The following GPC6 variants were observed in gnomAD, a reference collection of about 807,000 sequenced individuals.
GPC6 encodes glypican-6.
GPC6 carries 14 observed loss-of-function variants against 55.2 expected under a neutral mutation model. That is an observed-to-expected ratio of 0.25 (90% CI 0.17 to 0.40). GPC6 has a LOEUF of 0.40. GPC6 is among the 10% of genes least tolerant of loss of function. The pLI, the probability that GPC6 is intolerant of heterozygous loss-of-function variation, is 1.00. For missense variants in GPC6, 641 were observed against 708.5 expected (o/e 0.90, Z 1.08); for synonymous variants, 278 against 259.6 (o/e 1.07, Z -0.68).
At chr13:93,720,516 A>T (rs952052005) in intron 2 of GPC6, among the ~76,000 whole-genome samples, 1 of 151,894 alleles carries the variant, frequency 6.6e-6, no homozygotes, top group Non-Finnish European at 1.5e-5. Flanking sequence ...TTCAAGAAAC[A>T]GCTCCTGGAT....
chr13:94,075,787 T>G (rs1475689878), intron 4 of GPC6, among the ~76,000 whole-genome samples: 2 of 152,170 alleles, frequency 1.3e-5, no homozygotes, highest in Non-Finnish European at 2.9e-5. Flanking sequence ...TTTATTTTTA[T>G]GACAGGATTT....
intron 2 of GPC6, among the ~76,000 whole-genome samples, chr13:93,589,422 AT>A (rs1877361240): frequency 6.6e-6 from 1 of 152,184 alleles, no homozygotes; most frequent in African/African-American, 2.4e-5. Context: ...CTTCCCATTA[AT>A]TTTAAACAAT....
intron 2 of GPC6, among the ~76,000 whole-genome samples, chr13:93,816,188 G>A (rs1330571826): frequency 4.6e-5 from 7 of 151,776 alleles, no homozygotes; most frequent in Admixed American, 3.3e-4. Context: ...AAATTTTATT[G>A]TCTCCTGATT....
At chr13:94,093,091 C>G (rs1885548684) in intron 4 of GPC6, among the ~76,000 whole-genome samples, 2 of 152,058 alleles carry the variant, frequency 1.3e-5, no homozygotes, top group South Asian at 2.1e-4. Context: ...TGATTATTAT[C>G]TTAACTGCAG....
intron 4 of GPC6, among the ~76,000 whole-genome samples, chr13:94,038,694 A>C (rs1000799752): frequency 1.3e-5 from 2 of 151,972 alleles, no homozygotes; most frequent in Non-Finnish European, 2.9e-5. Context: ...ACCAAGGGTT[A>C]AGGCACATTC....
intron 2 of GPC6, among the ~76,000 whole-genome samples, chr13:93,592,483 T>C (rs1004843865): frequency 2.0e-5 from 3 of 150,080 alleles, no homozygotes; most frequent in African/African-American, 4.9e-5. Context: ...TCTTCTGACC[T>C]AGTGATCCAC....
At chr13:93,739,335 C>T (rs12584151) in intron 2 of GPC6, among the ~76,000 whole-genome samples, 1 of 151,866 alleles carries the variant, frequency 6.6e-6, no homozygotes, top group Admixed American at 6.6e-5. Flanking sequence ...AAAAGGGAGT[C>T]ATTTTTCCTG....
intron 3 of GPC6, among the ~76,000 whole-genome samples, chr13:93,992,948 G>A (rs982807481): frequency 3.3e-5 from 5 of 152,054 alleles, no homozygotes; most frequent in Non-Finnish European, 7.4e-5. Flanking sequence ...ATATTAGCAG[G>A]CCTCATTGAG....
intron 3 of GPC6, among the ~76,000 whole-genome samples, chr13:93,849,101 C>A (rs1459771894): frequency 6.6e-6 from 1 of 152,086 alleles, no homozygotes; most frequent in African/African-American, 2.4e-5. Flanking sequence ...AAGGAACATG[C>A]CTTCCATCCT....
intron 4 of GPC6, among the ~76,000 whole-genome samples, chr13:94,213,289 A>G (rs1170874535): frequency 6.6e-6 from 1 of 152,242 alleles, no homozygotes; most frequent in Non-Finnish European, 1.5e-5. Flanking sequence ...GACTAAGGTC[A>G]ATAAAAATAA....
intron 4 of GPC6, among the ~76,000 whole-genome samples, chr13:94,218,128 A>C (rs1566556469): frequency 6.6e-6 from 1 of 152,168 alleles, no homozygotes; most frequent in Admixed American, 6.6e-5. Context: ...GAGATTCCTG[A>C]AACTGCTATT....
chr13:93,355,377 A>AAG (rs1361657925), intron 1 of GPC6, among the ~76,000 whole-genome samples: 1 of 152,194 alleles, frequency 6.6e-6, no homozygotes, highest in Admixed American at 6.5e-5. Flanking sequence ...TAGATTCAAA[A>AAG]AGAGGGCAGC....
chr13:94,022,649 C>G (rs1281768596), intron 3 of GPC6, among the ~76,000 whole-genome samples: 1 of 151,912 alleles, frequency 6.6e-6, no homozygotes, highest in African/African-American at 2.4e-5. Flanking sequence ...TTTTTAGTTT[C>G]TTTAGGAACC....
intron 7 of GPC6, among the ~76,000 whole-genome samples, chr13:94,394,217 G>A (rs1880796596): frequency 6.6e-6 from 1 of 152,238 alleles, no homozygotes; most frequent in Admixed American, 6.5e-5. Flanking sequence ...CAGAACAGAA[G>A]GCAACCAAAA....
chr13:94,140,929 T>C (rs1410697785), intron 4 of GPC6, among the ~76,000 whole-genome samples: 2 of 151,768 alleles, frequency 1.3e-5, no homozygotes, highest in Non-Finnish European at 2.9e-5. Context: ...AATATATATT[T>C]ATATTACGGT....
intron 1 of GPC6, among the ~76,000 whole-genome samples, chr13:93,415,299 A>G (rs1340899853): frequency 6.6e-6 from 1 of 152,152 alleles, no homozygotes; most frequent in Non-Finnish European, 1.5e-5. Flanking sequence ...ATATATATAT[A>G]ACAACCATAT....
At chr13:93,632,208 T>C (rs111941875) in intron 2 of GPC6, among the ~76,000 whole-genome samples, 67 of 152,326 alleles carry the variant, frequency 4.4e-4, no homozygotes, top group African/African-American at 1.5e-3. Context: ...GAAAATCTTT[T>C]ATCCATGGCT....
intron 2 of GPC6, among the ~76,000 whole-genome samples, chr13:93,600,620 T>C (rs1877967071): frequency 6.6e-6 from 1 of 152,100 alleles, no homozygotes; most frequent in African/African-American, 2.4e-5. Context: ...AGTTGAAAAA[T>C]GTGCTGCTAA....
intron 2 of GPC6, among the ~76,000 whole-genome samples, chr13:93,601,878 C>A (rs1362976472): frequency 6.6e-6 from 1 of 152,218 alleles, no homozygotes; most frequent in Non-Finnish European, 1.5e-5. Flanking sequence ...AAAATCGTAT[C>A]TGCATTTCAG....
Sources: allele counts gnomAD v4.1 joint callset (sites outside exome capture counted in the v4.1 genomes callset), GRCh38; gene constraint gnomAD v4.1.1; transcripts MANE v1.5; gene names NCBI Gene and HGNC (gene_info 2026-07-23, HGNC 2026-07-21).